KIF6: variants seen among roughly 807,000 people sequenced by gnomAD.
KIF6 encodes kinesin-like protein KIF6.
Under a neutral mutation model 112.7 loss-of-function variants are expected in KIF6, and 106 were observed. The observed-to-expected ratio is 0.94, with a 90% CI of 0.80 to 1.11. The LOEUF (loss-of-function observed/expected upper bound fraction) is 1.11, where lower values mean the gene tolerates loss of function less well. KIF6 is among the 50% of genes least tolerant of loss of function. The probability of loss-of-function intolerance (pLI) is 0.00; values close to 1 mark genes in which losing one functional copy is unlikely to be tolerated. For synonymous variants in KIF6, 339 were observed against 339.9 expected (o/e 1.00, Z 0.03); for missense variants, 929 against 964.0 (o/e 0.96, Z 0.48).
intron 16 of KIF6, among the ~76,000 whole-genome samples, chr6:39,364,183 C>T (rs181479747): frequency 5.9e-5 from 9 of 152,118 alleles, no homozygotes; most frequent in Admixed American, 5.2e-4. Flanking sequence ...CCTCTGCCTC[C>T]CAGGTTCAAG....
intron 15 of KIF6, among the ~76,000 whole-genome samples, chr6:39,408,749 G>A (rs1218404603): frequency 6.6e-6 from 1 of 152,120 alleles, no homozygotes; most frequent in African/African-American, 2.4e-5. Context: ...TAGTAGGTGA[G>A]AGAAAATGTG....
chr6:39,406,945 T>TG (rs1270770612), intron 15 of KIF6, among the ~76,000 whole-genome samples: 6 of 152,102 alleles, frequency 3.9e-5, no homozygotes, highest in African/African-American at 1.4e-4. Context: ...TTGGTAGAGA[T>TG]GGGGTCTCAC....
chr6:39,622,382 A>T (rs1783876572), intron 5 of KIF6, among the ~76,000 whole-genome samples: 1 of 152,252 alleles, frequency 6.6e-6, no homozygotes, highest in African/African-American at 2.4e-5. Context: ...AACACATAAA[A>T]GTTTAAATTC....
chr6:39,699,640 A>G (rs1788759325), intron 3 of KIF6, among the ~76,000 whole-genome samples: 1 of 152,154 alleles, frequency 6.6e-6, no homozygotes, highest in South Asian at 2.1e-4. Flanking sequence ...AAAGTAGAGG[A>G]AAAGTGCTGT....
chr6:39,337,751 G>A (rs1763111431), intron 22 of KIF6, among the ~76,000 whole-genome samples: 1 of 152,204 alleles, frequency 6.6e-6, no homozygotes, highest in African/African-American at 2.4e-5. Context: ...GCTGGGCATG[G>A]AGAGGGTTCT....
intron 3 of KIF6, among the ~76,000 whole-genome samples, chr6:39,710,874 A>T (rs1446197437): frequency 6.6e-6 from 1 of 151,950 alleles, no homozygotes; most frequent in Non-Finnish European, 1.5e-5. Context: ...AAATTCAAAA[A>T]ATTAGCCGAG....
intron 3 of KIF6, among the ~76,000 whole-genome samples, chr6:39,682,332 C>T (rs1787572237): frequency 6.6e-6 from 1 of 152,150 alleles, no homozygotes; most frequent in Non-Finnish European, 1.5e-5. Flanking sequence ...ACTGTTGCTC[C>T]TAAGGTACAA....
chr6:39,688,975 A>T (rs1189005321), intron 3 of KIF6, among the ~76,000 whole-genome samples: 1 of 152,092 alleles, frequency 6.6e-6, no homozygotes, highest in East Asian at 1.9e-4. Flanking sequence ...GTGCCACCAC[A>T]TCTGGATAAT....
At chr6:39,672,693 C>T (rs1038804379) in intron 3 of KIF6, among the ~76,000 whole-genome samples, 3 of 152,160 alleles carry the variant, frequency 2.0e-5, no homozygotes, top group Non-Finnish European at 4.4e-5. Context: ...CAGACAGCTG[C>T]CTTCTTGCTG....
intron 1 of KIF6, among the ~76,000 whole-genome samples, chr6:39,722,880 G>C (rs186839834): frequency 6.6e-6 from 1 of 152,260 alleles, no homozygotes; most frequent in Admixed American, 6.5e-5. Flanking sequence ...CCACTCTACA[G>C]ACTCACCAAA....
chr6:39,368,251 C>G (rs1206181187), intron 16 of KIF6, among the ~76,000 whole-genome samples: 1 of 152,196 alleles, frequency 6.6e-6, no homozygotes, highest in African/African-American at 2.4e-5. Context: ...ATCTGAATAA[C>G]CATAACCATC....
intron 15 of KIF6, among the ~76,000 whole-genome samples, chr6:39,386,739 A>G (rs1767456211): frequency 6.6e-6 from 1 of 152,064 alleles, no homozygotes; most frequent in Non-Finnish European, 1.5e-5. Flanking sequence ...CTAAAATTCC[A>G]TGATTTCGTG....
intron 13 of KIF6, among the ~76,000 whole-genome samples, chr6:39,520,971 A>G (rs1314857320): frequency 3.9e-5 from 6 of 152,236 alleles, no homozygotes; most frequent in Non-Finnish European, 8.8e-5. Flanking sequence ...GTTTTTTGCT[A>G]CAAACAAAGG....
At chr6:39,340,869 G>A (rs1301278417) in intron 22 of KIF6, among the ~76,000 whole-genome samples, 2 of 152,058 alleles carry the variant, frequency 1.3e-5, no homozygotes, top group Non-Finnish European at 2.9e-5. Flanking sequence ...CTTGAGGGGA[G>A]GAATGATGGT....
rs542004618 is a variant in KIF6 at position 39,575,550 on chromosome 6, G to A, written c.1181+2506C>T. 2.2e-4 allele frequency among the ~76,000 whole-genome samples: 33 copies of A among 152,266 alleles called. No homozygotes were observed. In the South Asian group the frequency reaches 3.3e-3, roughly 15 times the overall value. ...CTTCCAAAGTGCTGGGATTACAGGC[G>A]TGAGCCACCACGCCCGGCTGCTTCC... On this transcript the variant is annotated intron_variant, in intron 10 of 22. Coordinates refer to ENST00000287152, the MANE Select transcript of KIF6 (RefSeq NM_145027.6).
intron 7 of KIF6, among the ~76,000 whole-genome samples, chr6:39,590,519 T>C (rs551949143): frequency 2.7e-5 from 4 of 147,272 alleles, no homozygotes; most frequent in African/African-American, 1.0e-4. Context: ...TAGCACAACC[T>C]GGGCTCACTG....
chr6:39,631,120 T>C (rs1784332462), intron 5 of KIF6, among the ~76,000 whole-genome samples: 1 of 152,086 alleles, frequency 6.6e-6, no homozygotes, highest in Non-Finnish European at 1.5e-5. Flanking sequence ...GAGATATTAG[T>C]CCGTAGTTTT....
chr6:39,533,223 G>A (rs1406250718), intron 13 of KIF6, among the ~76,000 whole-genome samples: 3 of 152,244 alleles, frequency 2.0e-5, no homozygotes, highest in Non-Finnish European at 2.9e-5. Context: ...CCTCACTCGG[G>A]AAGCGCAAGG....
chr6:39,541,414 C>T (rs1269158481), intron 12 of KIF6, among the ~76,000 whole-genome samples: 2 of 152,184 alleles, frequency 1.3e-5, no homozygotes, highest in East Asian at 1.9e-4. Context: ...GGGCTCTGGC[C>T]GAACACGCTG....
Sources: allele counts gnomAD v4.1 joint callset (sites outside exome capture counted in the v4.1 genomes callset), GRCh38; gene constraint gnomAD v4.1.1; transcripts MANE v1.5; gene names NCBI Gene and HGNC (gene_info 2026-07-23, HGNC 2026-07-21).